Variants in PCSK2 observed in about 807,000 individuals in gnomAD.
PCSK2 encodes the protein proprotein convertase subtilisin/kexin type 2.
PCSK2 carries 14 observed loss-of-function variants against 69.7 expected under a neutral mutation model. That is an observed-to-expected ratio of 0.20 (90% CI 0.13 to 0.31). PCSK2 has a LOEUF of 0.31. Ranked by LOEUF, PCSK2 falls within the 10% of genes least tolerant of loss-of-function variation. PCSK2 has a pLI of 1.00. For synonymous variants in PCSK2, 307 were observed against 320.7 expected (o/e 0.96, Z 0.46); for missense variants, 544 against 842.5 (o/e 0.65, Z 4.39).
chr20:17,337,813 C>T (rs958369007), intron 2 of PCSK2, among the ~76,000 whole-genome samples: 6 of 151,388 alleles, frequency 4.0e-5, no homozygotes, highest in African/African-American at 1.2e-4. Context: ...CCTGTAGTCC[C>T]TGCTACTCAG....
At chr20:17,393,629 G>C (rs997347245) in intron 5 of PCSK2, among the ~76,000 whole-genome samples, 5 of 151,218 alleles carry the variant, frequency 3.3e-5, no homozygotes, top group Non-Finnish European at 7.4e-5. Flanking sequence ...CATTCTGTTG[G>C]GACTAAAGAT....
At chr20:17,428,070 A>G (rs2123335098) in intron 6 of PCSK2, among the ~76,000 whole-genome samples, 1 of 152,334 alleles carries the variant, frequency 6.6e-6, no homozygotes, top group Middle Eastern at 3.4e-3. Flanking sequence ...AGTGTTGCCT[A>G]ATTTAGCAAT....
At chr20:17,322,748 G>A (rs1318926761) in intron 2 of PCSK2, among the ~76,000 whole-genome samples, 1 of 152,202 alleles carries the variant, frequency 6.6e-6, no homozygotes, top group Admixed American at 6.5e-5. Flanking sequence ...GTGATGGAAG[G>A]ACAAGAAAGG....
chr20:17,333,995 T>C (rs1255298641), intron 2 of PCSK2, among the ~76,000 whole-genome samples: 2 of 148,542 alleles, frequency 1.3e-5, no homozygotes, highest in African/African-American at 4.9e-5. Flanking sequence ...TCAATTCATC[T>C]GGCCCATTCT....
intron 2 of PCSK2, among the ~76,000 whole-genome samples, chr20:17,353,834 C>T (rs1456255115): frequency 6.6e-6 from 1 of 152,198 alleles, no homozygotes; most frequent in African/African-American, 2.4e-5. Flanking sequence ...AGACCAAAAT[C>T]ATGTCCTTTC....
chr20:17,244,643 A>T (rs1986706864), intron 1 of PCSK2, among the ~76,000 whole-genome samples: 1 of 152,176 alleles, frequency 6.6e-6, no homozygotes. Context: ...AAAACTTTCC[A>T]GTTAATAAAT....
upstream of PCSK2, chr20:17,226,484 G>A (rs1176228325): frequency 1.3e-5 from 2 of 151,834 alleles, no homozygotes; most frequent in Non-Finnish European, 2.9e-5. Flanking sequence ...TCGGATAAGG[G>A]GAGGCAAGTA....
chr20:17,364,165 G>C (rs974235762), intron 4 of PCSK2, among the ~76,000 whole-genome samples: 1 of 151,794 alleles, frequency 6.6e-6, no homozygotes, highest in Non-Finnish European at 1.5e-5. Flanking sequence ...ACCAGGATGT[G>C]GAAATTCTCC....
intron 4 of PCSK2, among the ~76,000 whole-genome samples, chr20:17,364,772 G>A (rs1319569817): frequency 1.3e-5 from 2 of 152,162 alleles, no homozygotes; most frequent in Admixed American, 6.5e-5. Flanking sequence ...GAGCCTGGCT[G>A]GGCACTGCTC....
At chr20:17,298,304 A>G (rs917630631) in intron 2 of PCSK2, among the ~76,000 whole-genome samples, 2 of 152,150 alleles carry the variant, frequency 1.3e-5, no homozygotes, top group African/African-American at 4.8e-5. Context: ...TCTACATTTT[A>G]TGACTCAGCT....
chr20:17,453,677 G>T lies in PCSK2; in HGVS notation c.886-65G>T. 1 of 1,583,450 alleles carries T rather than the reference G, an allele frequency of 6.3e-7. No homozygotes were observed. The highest frequency in any genetic ancestry group is 8.6e-7 in the Non-Finnish European group (1 of 1,163,842). On this transcript the variant is annotated intron_variant, in intron 8 of 11. Transcript: ENST00000262545. The surrounding 1 kb of genome is among the most constrained non-coding windows in gnomAD (Gnocchi z 4.0). ...GAAGAAGCCCAACCCCTGGGCTGGA[G>T]ACCTCCCCTGCCCCCTCGCAGCCCA...
intron 2 of PCSK2, among the ~76,000 whole-genome samples, chr20:17,277,398 C>G (rs1375851584): frequency 6.6e-6 from 1 of 152,048 alleles, no homozygotes; most frequent in Non-Finnish European, 1.5e-5. Context: ...AGAACAGAGC[C>G]CTCAGAAATA....
chr20:17,261,983 T>C (rs1246158601), intron 2 of PCSK2, among the ~76,000 whole-genome samples: 1 of 152,240 alleles, frequency 6.6e-6, no homozygotes, highest in Non-Finnish European at 1.5e-5. Flanking sequence ...GAAAGAGAAC[T>C]GAGGCACAGT....
intron 5 of PCSK2, among the ~76,000 whole-genome samples, chr20:17,397,669 G>A (rs972967135): frequency 5.3e-5 from 8 of 151,966 alleles, no homozygotes; most frequent in African/African-American, 1.9e-4. Flanking sequence ...AGTAGAGATG[G>A]GGTTTCACCA....
chr20:17,391,110 T>C (rs1181424208), intron 5 of PCSK2, among the ~76,000 whole-genome samples: 1 of 152,208 alleles, frequency 6.6e-6, no homozygotes, highest in Non-Finnish European at 1.5e-5. Flanking sequence ...TAGAATAAGT[T>C]CTTAGAAGTG....
At chr20:17,388,531 A>T (rs1195002036) in intron 5 of PCSK2, among the ~76,000 whole-genome samples, 74 of 152,184 alleles carry the variant, frequency 4.9e-4, no homozygotes, top group Admixed American at 4.8e-3. Flanking sequence ...AGGGACACCT[A>T]ACATAAGATG....
rs368577612 is a variant in PCSK2, at chr20:17,240,771, C to T, written c.177+13289C>T. Among the ~76,000 whole-genome samples, 6 of 152,240 alleles carry T rather than the reference C, an allele frequency of 3.9e-5. No individual in the cohort carries two copies. The East Asian group carries it at 9.6e-4, about 24-fold the overall frequency. On this transcript the variant is annotated intron_variant, in intron 1 of 11. Transcript: ENST00000262545. Reference sequence around the variant, plus strand: ...TTAGGGGGTACATCATAGTTTGAATCCCATTGTGGACTGTTAGCCCAGCCC... The same window carrying T: ...TTAGGGGGTACATCATAGTTTGAATTCCATTGTGGACTGTTAGCCCAGCCC...
intron 2 of PCSK2, chr20:17,263,049 G>A (rs546123116): frequency 5.1e-6 from 3 of 591,264 alleles, no homozygotes; most frequent in African/African-American, 4.0e-5. Flanking sequence ...GGTCTGAGCT[G>A]CTATTCGCTT....
chr20:17,239,525 C>T (rs1986475183), intron 1 of PCSK2, among the ~76,000 whole-genome samples: 1 of 152,040 alleles, frequency 6.6e-6, no homozygotes, highest in South Asian at 2.1e-4. Flanking sequence ...CAAATTTGGA[C>T]CCAGCAGCCG....
Sources: gnomAD v4.1 joint callset for allele counts (sites outside exome capture counted in the v4.1 genomes callset) on GRCh38, gnomAD v4.1.1 for gene constraint, Gnocchi (gnomAD v3.1) non-coding constraint, MANE v1.5 for transcripts, NCBI Gene and HGNC (gene_info 2026-07-23, HGNC 2026-07-21) for gene names.